GRIN2A: variants seen among roughly 807,000 people sequenced by gnomAD.
GRIN2A encodes the protein glutamate ionotropic receptor NMDA type subunit 2A.
In GRIN2A, 22 loss-of-function variants were observed where a neutral mutation model predicts 113.4. The ratio of observed to expected loss-of-function variants is 0.19; its 90% CI spans 0.14 to 0.28. The LOEUF (loss-of-function observed/expected upper bound fraction) is 0.28. Among genes scored for constraint, GRIN2A ranks in the 10% least tolerant of loss-of-function variants. The pLI, the probability that GRIN2A is intolerant of heterozygous loss-of-function variation, is 1.00. For synonymous variants in GRIN2A, 827 were observed against 738.4 expected (o/e 1.12, Z -1.94); for missense variants, 1,502 against 1,887.0 (o/e 0.80, Z 3.78).
intron 2 of GRIN2A, among the ~76,000 whole-genome samples, chr16:9,952,652 T>C (rs1413788979): frequency 6.6e-6 from 1 of 152,190 alleles, no homozygotes; most frequent in East Asian, 1.9e-4. Flanking sequence ...TTTCTGTCTG[T>C]TCAATGTCCT....
At chr16:10,063,529 G>A (rs1319972433) in intron 2 of GRIN2A, among the ~76,000 whole-genome samples, 2 of 152,084 alleles carry the variant, frequency 1.3e-5, no homozygotes, top group Non-Finnish European at 2.9e-5. Flanking sequence ...TCTTTAACAT[G>A]AGAAGGAAAT....
chr16:9,960,983 T>C (rs969696169), intron 2 of GRIN2A, among the ~76,000 whole-genome samples: 2 of 152,234 alleles, frequency 1.3e-5, no homozygotes, highest in Admixed American at 6.5e-5. Flanking sequence ...ACATTTACCA[T>C]TCAAGCGAGT....
chr16:9,952,294 G>A (rs2045203640), intron 2 of GRIN2A, among the ~76,000 whole-genome samples: 1 of 152,146 alleles, frequency 6.6e-6, no homozygotes, highest in Non-Finnish European at 1.5e-5. Context: ...GGTTCCCAGT[G>A]ACCCCTGAGG....
chr16:9,930,222 C>T (rs1321397003), intron 3 of GRIN2A, among the ~76,000 whole-genome samples: 1 of 152,160 alleles, frequency 6.6e-6, no homozygotes, highest in East Asian at 1.9e-4. Context: ...GAATTAACAC[C>T]TGTAGAGTGC....
At chr16:10,179,776 C>T in intron 2 of GRIN2A, 2 of 592,212 alleles carry the variant, frequency 3.4e-6, no homozygotes, top group Non-Finnish European at 6.1e-6. Flanking sequence ...CCAAAGTGCT[C>T]CTGTGTACAC....
At chr16:9,949,326 T>A (rs1379224570) in intron 2 of GRIN2A, among the ~76,000 whole-genome samples, 1 of 152,094 alleles carries the variant, frequency 6.6e-6, no homozygotes, top group Non-Finnish European at 1.5e-5. Context: ...AATGCATGGA[T>A]GGATGGACGG....
chr16:9,849,283 T>G (rs1035208168), intron 5 of GRIN2A, among the ~76,000 whole-genome samples: 1 of 148,450 alleles, frequency 6.7e-6, no homozygotes, highest in African/African-American at 2.5e-5. Context: ...TATACAAAAA[T>G]GTTTTCTATA....
intron 2 of GRIN2A, among the ~76,000 whole-genome samples, chr16:9,997,778 G>C (rs543188508): frequency 6.6e-6 from 1 of 152,312 alleles, no homozygotes; most frequent in Non-Finnish European, 1.5e-5. Flanking sequence ...TCTCATGATA[G>C]TGAATAAGTC....
intron 2 of GRIN2A, among the ~76,000 whole-genome samples, chr16:9,957,853 G>A (rs1044275620): frequency 2.6e-5 from 4 of 152,144 alleles, no homozygotes; most frequent in Non-Finnish European, 5.9e-5. Flanking sequence ...CATCACCTGG[G>A]CCTCTGCCTG....
intron 2 of GRIN2A, among the ~76,000 whole-genome samples, chr16:10,003,728 C>T (rs189290327): frequency 1.4e-4 from 21 of 152,200 alleles, no homozygotes; most frequent in African/African-American, 4.3e-4. Context: ...GAGGCCATGT[C>T]GGCAGAATAT....
chr16:9,913,584 C>A (rs146940171), intron 3 of GRIN2A, among the ~76,000 whole-genome samples: 4 of 152,110 alleles, frequency 2.6e-5, no homozygotes, highest in Non-Finnish European at 5.9e-5. Context: ...CATAAGTTAT[C>A]GCATTTTATA....
At chr16:9,883,992 G>A (rs769786990) in intron 4 of GRIN2A, among the ~76,000 whole-genome samples, 1 of 152,082 alleles carries the variant, frequency 6.6e-6, no homozygotes, top group African/African-American at 2.4e-5. Context: ...TAATATTTAT[G>A]TGTTTTGTCC....
chr16:10,132,820 C>T (rs1042122401), intron 2 of GRIN2A, among the ~76,000 whole-genome samples: 1 of 152,184 alleles, frequency 6.6e-6, no homozygotes, highest in African/African-American at 2.4e-5. Context: ...AACAAATTGC[C>T]ATAAAGTTAG....
At chr16:9,931,594 A>G (rs2044594927) in intron 3 of GRIN2A, among the ~76,000 whole-genome samples, 1 of 152,042 alleles carries the variant, frequency 6.6e-6, no homozygotes, top group Non-Finnish European at 1.5e-5. Context: ...CCCTCTTCCC[A>G]ATGGCCATAT....
intron 2 of GRIN2A, among the ~76,000 whole-genome samples, chr16:10,132,616 C>T (rs987753998): frequency 3.9e-5 from 6 of 152,156 alleles, no homozygotes; most frequent in Admixed American, 6.5e-5. Flanking sequence ...GGTTAAATCC[C>T]AGAGCCACCA....
chr16:10,175,994 A>G (rs1043503492), intron 2 of GRIN2A, among the ~76,000 whole-genome samples: 1 of 144,970 alleles, frequency 6.9e-6, no homozygotes, highest in Non-Finnish European at 1.5e-5. Context: ...ATTGATTTTA[A>G]TTTTCCTTCT....
At position 9,829,329 on chromosome 16, in the gene GRIN2A, T is replaced by TG. The variant is rs1301011258; in HGVS notation, c.2007+93dup. 4 of 777,920 alleles carry TG rather than the reference T, an allele frequency of 5.1e-6. No individual in the cohort carries two copies. In the African/African-American group the frequency reaches 6.9e-5, roughly 13 times the overall value. The allele number at this position is 777,920 out of a possible 1,614,324, so 48.2% of individuals were successfully genotyped here. On this transcript the variant is annotated intron_variant, in intron 9 of 12. Coordinates refer to ENST00000330684, the MANE Select transcript of GRIN2A (RefSeq NM_001134407.3). ...TCTGGCTTTTGTGCATTCGAGTTGA[T>TG]GGATCTCAATGAGAGGCACCTGAAT...
chr16:9,979,656 A>C (rs1475271712), intron 2 of GRIN2A, among the ~76,000 whole-genome samples: 1 of 152,058 alleles, frequency 6.6e-6, no homozygotes, highest in Non-Finnish European at 1.5e-5. Context: ...TCTGGACATG[A>C]AAAGACTGTA....
chr16:10,138,268 G>A (rs2049244488), intron 2 of GRIN2A, among the ~76,000 whole-genome samples: 1 of 152,182 alleles, frequency 6.6e-6, no homozygotes, highest in African/African-American at 2.4e-5. Flanking sequence ...CTATTCAACT[G>A]TGAGACTGTA....
Sources: allele counts gnomAD v4.1 joint callset (sites outside exome capture counted in the v4.1 genomes callset), GRCh38; gene constraint gnomAD v4.1.1; transcripts MANE v1.5; gene names NCBI Gene and HGNC (gene_info 2026-07-23, HGNC 2026-07-21).